The following L3MBTL4 variants were observed in gnomAD, a reference collection of about 807,000 sequenced individuals.
L3MBTL4 encodes lethal(3)malignant brain tumor-like protein 4.
Under a neutral mutation model 84.5 loss-of-function variants are expected in L3MBTL4, and 70 were observed. The ratio of observed to expected loss-of-function variants is 0.83; its 90% CI spans 0.68 to 1.01. L3MBTL4 has a LOEUF of 1.01. Ranked by LOEUF, L3MBTL4 falls within the 50% of genes least tolerant of loss-of-function variation. The probability of loss-of-function intolerance (pLI) is 0.00; values close to 1 mark genes in which losing one functional copy is unlikely to be tolerated. For missense variants in L3MBTL4, 715 were observed against 754.8 expected (o/e 0.95, Z 0.62); for synonymous variants, 274 against 259.8 (o/e 1.05, Z -0.52).
At chr18:6,343,780 T>A (rs996324717) in intron 1 of L3MBTL4, among the ~76,000 whole-genome samples, 1 of 151,918 alleles carries the variant, frequency 6.6e-6, no homozygotes, top group African/African-American at 2.4e-5. Flanking sequence ...ATGTGTAACT[T>A]AAGCAACATG....
At chr18:6,313,966 C>CA (rs1257963218) in intron 1 of L3MBTL4, among the ~76,000 whole-genome samples, 2 of 151,618 alleles carry the variant, frequency 1.3e-5, no homozygotes, top group African/African-American at 2.4e-5. Context: ...TGCTGCCAGA[C>CA]AAAAAAGGAA....
intron 5 of L3MBTL4, among the ~76,000 whole-genome samples, chr18:6,262,783 A>C (rs1215623454): frequency 6.6e-6 from 1 of 152,134 alleles, no homozygotes; most frequent in Non-Finnish European, 1.5e-5. Context: ...ACAAAAGGAC[A>C]TGCATCATTT....
In L3MBTL4 at chr18:5,972,860, TATAGAATAGA is replaced by T. The variant is rs5822881; in HGVS notation, c.1445-3308_1445-3299del. Among the ~76,000 whole-genome samples the T allele has an allele frequency of 2.0e-4, 28 of 143,082 alleles. 1 individual carries two copies. Among genetic ancestry groups the T allele is most frequent in the African/African-American group, 7.0e-4 (27 of 38,336 alleles). The allele number at this position is 143,082 out of a possible 152,430, so 93.9% of individuals were successfully genotyped here. A position where few individuals can be genotyped will look rare whatever the true frequency, so the allele number is the denominator to read the frequency against. On this transcript the variant is annotated intron_variant, in intron 16 of 18. Coordinates refer to ENST00000317931, the MANE Select transcript of L3MBTL4 (RefSeq NM_001330559.2). ...AGGAGGGAGACAAAAAATAGAATAG[TATAGAATAGA>T]ATAGAATAGAATAGAACAGAAGAGA...
At chr18:6,359,898 T>C (rs372718465) in intron 1 of L3MBTL4, among the ~76,000 whole-genome samples, 2 of 152,126 alleles carry the variant, frequency 1.3e-5, no homozygotes, top group Admixed American at 6.5e-5. Context: ...TTGTATGAAT[T>C]GGAAAGTCAT....
In L3MBTL4 at chr18:6,226,483, T is replaced by C. The variant is rs1370708845; in HGVS notation, c.785-10648A>G. Among the ~76,000 whole-genome samples, 4 of 152,308 alleles carry C rather than the reference T, an allele frequency of 2.6e-5. No homozygotes were observed. In the East Asian group the frequency reaches 7.7e-4, roughly 29 times the overall value. On this transcript the variant is annotated intron_variant, in intron 10 of 18. Coordinates refer to ENST00000317931, the MANE Select transcript of L3MBTL4 (RefSeq NM_001330559.2). The stretch of plus-strand genomic sequence containing the variant: ...CTAAAACAAATACGGTAACAGCCTT[T>C]ACGAGATATAGAACATATAGAAGGT...
chr18:6,060,277 C>T (rs932592594), intron 16 of L3MBTL4, among the ~76,000 whole-genome samples: 2 of 152,080 alleles, frequency 1.3e-5, no homozygotes, highest in Non-Finnish European at 2.9e-5. Context: ...TAATTCCTTT[C>T]CTCTCCCCGC....
chr18:6,066,553 A>G (rs2057404444), intron 16 of L3MBTL4, among the ~76,000 whole-genome samples: 1 of 152,134 alleles, frequency 6.6e-6, no homozygotes, highest in Non-Finnish European at 1.5e-5. Flanking sequence ...GTGCATATAA[A>G]TTTAGGATTG....
chr18:6,298,821 C>T (rs1389538615), intron 4 of L3MBTL4, among the ~76,000 whole-genome samples: 1 of 152,052 alleles, frequency 6.6e-6, no homozygotes, highest in African/African-American at 2.4e-5. Context: ...TTGCAGTGAG[C>T]CAAGATTGCG....
At chr18:5,959,603 T>C (rs1458756064) in intron 18 of L3MBTL4, among the ~76,000 whole-genome samples, 1 of 152,086 alleles carries the variant, frequency 6.6e-6, no homozygotes, top group Non-Finnish European at 1.5e-5. Context: ...AGGGCAGGGA[T>C]AGATAGGAGG....
At chr18:6,070,111 GA>G (rs1425007289) in intron 16 of L3MBTL4, among the ~76,000 whole-genome samples, 4 of 151,950 alleles carry the variant, frequency 2.6e-5, no homozygotes, top group African/African-American at 9.7e-5. Context: ...CTCAATAGGG[GA>G]AATGAGAGAG....
intron 12 of L3MBTL4, among the ~76,000 whole-genome samples, chr18:6,200,254 G>T (rs1239927194): frequency 6.6e-6 from 1 of 152,194 alleles, no homozygotes; most frequent in Non-Finnish European, 1.5e-5. Flanking sequence ...GGGGCTTTGG[G>T]ATTTTTCATG....
At chr18:6,382,446 T>C (rs2054630218) in intron 1 of L3MBTL4, among the ~76,000 whole-genome samples, 1 of 152,226 alleles carries the variant, frequency 6.6e-6, no homozygotes, top group African/African-American at 2.4e-5. Flanking sequence ...TTTGCGCTGG[T>C]TTCTCCCCAT....
intron 16 of L3MBTL4, among the ~76,000 whole-genome samples, chr18:6,033,764 A>C (rs558414946): frequency 6.6e-6 from 1 of 152,282 alleles, no homozygotes; most frequent in East Asian, 1.9e-4. Context: ...AAGTTACAGC[A>C]CTTTAAATTT....
intron 12 of L3MBTL4, among the ~76,000 whole-genome samples, chr18:6,187,627 CCT>C (rs759676395): frequency 4.6e-5 from 7 of 152,066 alleles, no homozygotes; most frequent in Non-Finnish European, 7.4e-5. Flanking sequence ...AGAGCCTTCC[CCT>C]CTTTTTCATG....
intron 5 of L3MBTL4, among the ~76,000 whole-genome samples, chr18:6,248,118 C>T (rs2047763372): frequency 6.6e-6 from 1 of 152,102 alleles, no homozygotes; most frequent in African/African-American, 2.4e-5. Context: ...AGACTAATCC[C>T]CCCCCAAAAG....
intron 1 of L3MBTL4, among the ~76,000 whole-genome samples, chr18:6,314,042 ATAGATAGATAGATAGATAG>A (rs2050963421): frequency 2.1e-5 from 1 of 47,988 alleles, no homozygotes; most frequent in African/African-American, 9.9e-5. Context: ...CAGATGATAG[ATAGATAGATAGATAGATAG>A]ATAGATAGAT....
rs529842791 is a variant in L3MBTL4 at position 6,079,651 on chromosome 18, A to G, written c.1444+1230T>C. ...TATCTGTTTGAACAAGAACATATAC[A>G]TAATTACTCTGTGGAGATATTTTCA... On this transcript the variant is annotated intron_variant, in intron 16 of 18. Coordinates refer to ENST00000317931, the MANE Select transcript of L3MBTL4 (RefSeq NM_001330559.2). 3.3e-5 allele frequency among the ~76,000 whole-genome samples: 5 copies of G among 152,360 alleles called. No homozygotes were observed. The East Asian group carries it at 5.8e-4, about 18-fold the overall frequency.
At chr18:6,187,007 G>A (rs986118675) in intron 12 of L3MBTL4, among the ~76,000 whole-genome samples, 5 of 152,296 alleles carry the variant, frequency 3.3e-5, no homozygotes, top group South Asian at 2.1e-4. Context: ...ACATGGAGAC[G>A]GGGCAGGTGG....
intron 16 of L3MBTL4, among the ~76,000 whole-genome samples, chr18:6,009,720 T>C (rs1362629242): frequency 6.6e-6 from 1 of 152,244 alleles, no homozygotes; most frequent in African/African-American, 2.4e-5. Flanking sequence ...TTTATTGTTG[T>C]ATGTTACTTT....
Sources: gnomAD v4.1 joint callset for allele counts (sites outside exome capture counted in the v4.1 genomes callset) on GRCh38, gnomAD v4.1.1 for gene constraint, MANE v1.5 for transcripts, NCBI Gene and HGNC (gene_info 2026-07-23, HGNC 2026-07-21) for gene names.